The following KCNQ5 variants were observed in gnomAD, a reference collection of about 807,000 sequenced individuals.
KCNQ5 encodes the protein potassium voltage-gated channel subfamily KQT member 5.
Under a neutral mutation model 98.2 loss-of-function variants are expected in KCNQ5, and 30 were observed. The observed-to-expected ratio is 0.31, with a 90% CI of 0.23 to 0.41. The LOEUF is 0.41. KCNQ5 is among the 10% of genes least tolerant of loss of function. The pLI, the probability that KCNQ5 is intolerant of heterozygous loss-of-function variation, is 1.00. For missense variants in KCNQ5, 835 were observed against 1,182.5 expected, an observed-to-expected ratio of 0.71 and a Z score of 4.31; for synonymous variants, 458 against 449.4, an observed-to-expected ratio of 1.02 and a Z score of -0.24.
intron 1 of KCNQ5, among the ~76,000 whole-genome samples, chr6:72,733,767 C>G (rs1770677294): frequency 6.6e-6 from 1 of 152,216 alleles, no homozygotes; most frequent in South Asian, 2.1e-4. Flanking sequence ...AGCAACTGTA[C>G]ATCTTAATGG....
chr6:72,709,042 T>C (rs1388981439), intron 1 of KCNQ5, among the ~76,000 whole-genome samples: 2 of 152,172 alleles, frequency 1.3e-5, no homozygotes, highest in Non-Finnish European at 2.9e-5. Context: ...ATAATCTAAA[T>C]ATAATGTTGA....
intron 3 of KCNQ5, among the ~76,000 whole-genome samples, chr6:73,062,800 C>G (rs1772841450): frequency 6.6e-6 from 1 of 152,062 alleles, no homozygotes; most frequent in South Asian, 2.1e-4. Flanking sequence ...TTGTCTACTC[C>G]CATATTGCCT....
chr6:72,651,470 T>A (rs892390642), intron 1 of KCNQ5, among the ~76,000 whole-genome samples: 3 of 152,126 alleles, frequency 2.0e-5, no homozygotes, highest in Admixed American at 6.6e-5. Context: ...TTGGACTTTA[T>A]GACAAATTAG....
intron 10 of KCNQ5, among the ~76,000 whole-genome samples, chr6:73,164,679 C>T (rs541674144): frequency 4.7e-4 from 72 of 152,320 alleles, no homozygotes; most frequent in Middle Eastern, 6.8e-3. Flanking sequence ...CAGTAAACAT[C>T]TGCTGAAAGA....
chr6:72,923,527 T>C (rs1179279810), intron 1 of KCNQ5, among the ~76,000 whole-genome samples: 5 of 152,230 alleles, frequency 3.3e-5, no homozygotes, highest in South Asian at 2.1e-4. Flanking sequence ...GTCATTTGTG[T>C]GTCTTCTTTT....
chr6:72,966,141 A>G (rs1767599650), intron 1 of KCNQ5, among the ~76,000 whole-genome samples: 2 of 152,188 alleles, frequency 1.3e-5, no homozygotes, highest in Non-Finnish European at 1.5e-5. Flanking sequence ...CCCAAGAAGA[A>G]TTTCTTGTTG....
At chr6:73,046,548 T>C (rs1156513461) in intron 3 of KCNQ5, among the ~76,000 whole-genome samples, 4 of 151,800 alleles carry the variant, frequency 2.6e-5, no homozygotes, top group Admixed American at 2.6e-4. Context: ...TCTTATTTAA[T>C]TCTACATAAG....
intron 1 of KCNQ5, among the ~76,000 whole-genome samples, chr6:72,810,894 A>G (rs1171728018): frequency 6.6e-6 from 1 of 152,218 alleles, no homozygotes; most frequent in African/African-American, 2.4e-5. Context: ...CTGTTTTCTA[A>G]AACAGCATGG....
At chr6:72,868,992 T>C (rs1258874338) in intron 1 of KCNQ5, among the ~76,000 whole-genome samples, 1 of 152,184 alleles carries the variant, frequency 6.6e-6, no homozygotes, top group Non-Finnish European at 1.5e-5. Context: ...GGGACTGTAA[T>C]GTTCCTAACA....
intron 1 of KCNQ5, among the ~76,000 whole-genome samples, chr6:72,771,316 CTTAAA>C (rs1028138159): frequency 1.3e-4 from 20 of 152,188 alleles, no homozygotes; most frequent in African/African-American, 4.1e-4. Flanking sequence ...TATATCTTGA[CTTAAA>C]TTAAACTTAA....
intron 1 of KCNQ5, among the ~76,000 whole-genome samples, chr6:73,003,256 T>C (rs1769669240): frequency 6.6e-6 from 1 of 152,154 alleles, no homozygotes. Context: ...TATCCTTATA[T>C]ATGAATAGAC....
intron 1 of KCNQ5, among the ~76,000 whole-genome samples, chr6:72,836,515 T>C (rs1368061927): frequency 1.3e-5 from 2 of 152,118 alleles, no homozygotes; most frequent in Non-Finnish European, 2.9e-5. Context: ...TGTAGCTCAC[T>C]GCAGGCTCAA....
intron 1 of KCNQ5, among the ~76,000 whole-genome samples, chr6:72,682,940 C>T (rs192215570): frequency 5.9e-5 from 9 of 152,272 alleles, no homozygotes; most frequent in East Asian, 5.8e-4. Context: ...AGGAGCTGAT[C>T]GCTGCCCCAC....
chr6:72,731,456 TGGGTATA>T (rs1561947573), intron 1 of KCNQ5, among the ~76,000 whole-genome samples: 1 of 152,238 alleles, frequency 6.6e-6, no homozygotes, highest in African/African-American at 2.4e-5. Flanking sequence ...AAATGAGTTA[TGGGTATA>T]GGCATTCCAA....
At chr6:72,795,706 G>T (rs796934352) in intron 1 of KCNQ5, among the ~76,000 whole-genome samples, 6 of 152,196 alleles carry the variant, frequency 3.9e-5, no homozygotes, top group African/African-American at 1.4e-4. Flanking sequence ...AGATATTTTA[G>T]GAGTCACTCA....
At chr6:72,907,560 T>C (rs1779754765) in intron 1 of KCNQ5, among the ~76,000 whole-genome samples, 1 of 152,200 alleles carries the variant, frequency 6.6e-6, no homozygotes, top group Non-Finnish European at 1.5e-5. Context: ...CTATTTATCT[T>C]ACTATAAGTA....
At chr6:72,714,291 C>T (rs1769528756) in intron 1 of KCNQ5, among the ~76,000 whole-genome samples, 1 of 152,142 alleles carries the variant, frequency 6.6e-6, no homozygotes, top group African/African-American at 2.4e-5. Flanking sequence ...ACTTTATGCT[C>T]TCTAAAGCAT....
chr6:72,736,701 G>A (rs1169917696), intron 1 of KCNQ5, among the ~76,000 whole-genome samples: 2 of 149,266 alleles, frequency 1.3e-5, no homozygotes, highest in Non-Finnish European at 3.0e-5. Flanking sequence ...GGGTTTCACC[G>A]TTTTAGCCGG....
intron 10 of KCNQ5, among the ~76,000 whole-genome samples, chr6:73,149,833 A>G (rs1024988131): frequency 8.1e-6 from 1 of 123,808 alleles, no homozygotes; most frequent in Non-Finnish European, 1.7e-5. Flanking sequence ...AGAGGGAGGG[A>G]GGAAGGAAGG....
Sources: allele counts gnomAD v4.1 joint callset (sites outside exome capture counted in the v4.1 genomes callset), GRCh38; gene constraint gnomAD v4.1.1; transcripts MANE v1.5; gene names NCBI Gene and HGNC (gene_info 2026-07-23, HGNC 2026-07-21).